SLIT3: variants seen among roughly 807,000 people sequenced by gnomAD.
The protein encoded by SLIT3 is slit homolog 3 protein.
In SLIT3, 68 loss-of-function variants were observed where a neutral mutation model predicts 184.0. The observed-to-expected ratio is 0.37, with a 90% CI of 0.30 to 0.45. The LOEUF is 0.45. SLIT3 is among the 20% of genes least tolerant of loss of function. SLIT3 has a pLI of 1.00. For missense variants in SLIT3, 1,707 were observed against 2,026.0 expected (o/e 0.84, Z 3.02); for synonymous variants, 831 against 828.6 (o/e 1.00, Z -0.05).
At chr5:168,731,306 C>A (rs554697356) in intron 20 of SLIT3, among the ~76,000 whole-genome samples, 2 of 151,874 alleles carry the variant, frequency 1.3e-5, no homozygotes, top group East Asian at 1.9e-4. Context: ...AATATCCCCC[C>A]CTAAACTGCC....
chr5:169,237,994 AC>A (rs1243795978), intron 3 of SLIT3, among the ~76,000 whole-genome samples: 1 of 152,166 alleles, frequency 6.6e-6, no homozygotes, highest in Non-Finnish European at 1.5e-5. Context: ...AATTATCTTT[AC>A]ACATTTGTCA....
At chr5:168,941,616 T>C (rs1762335003) in intron 4 of SLIT3, among the ~76,000 whole-genome samples, 1 of 152,170 alleles carries the variant, frequency 6.6e-6, no homozygotes, top group Non-Finnish European at 1.5e-5. Context: ...GAAATGGAAA[T>C]CCAGTCTCTG....
chr5:169,223,684 G>A (rs1764692912), intron 3 of SLIT3, among the ~76,000 whole-genome samples: 1 of 152,164 alleles, frequency 6.6e-6, no homozygotes, highest in South Asian at 2.1e-4. Context: ...TTTTAGGAGA[G>A]ACCTTTGGAG....
chr5:168,952,875 A>G (rs1762706709), intron 4 of SLIT3, among the ~76,000 whole-genome samples: 2 of 152,206 alleles, frequency 1.3e-5, no homozygotes, highest in Admixed American at 1.3e-4. Context: ...CTCTGAATAC[A>G]GTGTGGGCAG....
At chr5:168,967,435 A>ATTTTTTTTTTTTTTTTTTTTTTTT in intron 4 of SLIT3, among the ~76,000 whole-genome samples, 13 of 30,756 alleles carry the variant, frequency 4.2e-4, no homozygotes, top group Non-Finnish European at 6.1e-4. Context: ...GCCATCTCAA[A>ATTTTTTTTTTTTTTTTTTTTTTTT]TCTTTTTTTT....
intron 6 of SLIT3, among the ~76,000 whole-genome samples, chr5:168,829,902 G>A (rs1331040462): frequency 6.6e-6 from 1 of 152,212 alleles, no homozygotes; most frequent in Non-Finnish European, 1.5e-5. Flanking sequence ...CTTGGCTCAG[G>A]CAGGGCAAGA....
intron 9 of SLIT3, among the ~76,000 whole-genome samples, chr5:168,800,097 C>T (rs1756710801): frequency 6.6e-6 from 1 of 152,210 alleles, no homozygotes; most frequent in African/African-American, 2.4e-5. Context: ...TTTATTCTTC[C>T]TTTAAGTCAT....
At chr5:168,857,752 G>A (rs1301025976) in intron 5 of SLIT3, among the ~76,000 whole-genome samples, 3 of 152,180 alleles carry the variant, frequency 2.0e-5, no homozygotes, top group East Asian at 1.9e-4. Context: ...CCAGGGGGTC[G>A]GAGGGCTGAA....
At chr5:169,241,193 C>A (rs1321699040) in intron 3 of SLIT3, among the ~76,000 whole-genome samples, 1 of 152,160 alleles carries the variant, frequency 6.6e-6, no homozygotes. Context: ...CACTCTCTGG[C>A]AACCAGAAGT....
intron 4 of SLIT3, among the ~76,000 whole-genome samples, chr5:168,888,726 C>T (rs1015219042): frequency 6.6e-6 from 1 of 152,110 alleles, no homozygotes; most frequent in African/African-American, 2.4e-5. Context: ...AAAATTCCAT[C>T]AACTCTTGAT....
intron 12 of SLIT3, among the ~76,000 whole-genome samples, chr5:168,782,801 A>G (rs1234869499): frequency 6.6e-6 from 1 of 152,194 alleles, no homozygotes; most frequent in Non-Finnish European, 1.5e-5. Context: ...AAGCTGACAG[A>G]TTACCTTGCA....
At chr5:169,271,254 G>A (rs1405897975) in intron 1 of SLIT3, among the ~76,000 whole-genome samples, 1 of 152,148 alleles carries the variant, frequency 6.6e-6, no homozygotes, top group East Asian at 1.9e-4. Flanking sequence ...CATGAAAGAG[G>A]CTAACTTCGA....
At chr5:169,137,559 C>T (rs1439263867) in intron 4 of SLIT3, among the ~76,000 whole-genome samples, 1 of 152,024 alleles carries the variant, frequency 6.6e-6, no homozygotes, top group African/African-American at 2.4e-5. Context: ...GGGGTTTTTC[C>T]TGGCTTACGT....
At chr5:169,150,816 C>T (rs1440169133) in intron 4 of SLIT3, among the ~76,000 whole-genome samples, 1 of 152,162 alleles carries the variant, frequency 6.6e-6, no homozygotes, top group East Asian at 1.9e-4. Flanking sequence ...CAGGATCCAG[C>T]CATCACCCTG....
chr5:168,856,806 TGCGC>T (rs61149576), intron 5 of SLIT3, among the ~76,000 whole-genome samples: 5 of 137,740 alleles, frequency 3.6e-5, no homozygotes, highest in African/African-American at 1.4e-4. Context: ...TGTGTGTGTG[TGCGC>T]GCGCGCGCAC....
At chr5:169,298,520 T>G (rs111705820) in intron 1 of SLIT3, among the ~76,000 whole-genome samples, 2 of 152,128 alleles carry the variant, frequency 1.3e-5, no homozygotes, top group Non-Finnish European at 1.5e-5. Context: ...GCGGAAGATG[T>G]AGTTGCGAGA....
chr5:168,868,901 A>G (rs1353451015), intron 5 of SLIT3, among the ~76,000 whole-genome samples: 1 of 152,220 alleles, frequency 6.6e-6, no homozygotes, highest in Non-Finnish European at 1.5e-5. Context: ...CAAAACAGAA[A>G]GAGAAAATCT....
intron 4 of SLIT3, among the ~76,000 whole-genome samples, chr5:169,027,579 T>G (rs1344071582): frequency 6.6e-6 from 1 of 152,208 alleles, no homozygotes; most frequent in Non-Finnish European, 1.5e-5. Flanking sequence ...ACCTTTAATC[T>G]GATTCCTTTT....
intron 4 of SLIT3, among the ~76,000 whole-genome samples, chr5:169,114,905 C>T (rs1452605192): frequency 6.6e-6 from 1 of 152,196 alleles, no homozygotes; most frequent in African/African-American, 2.4e-5. Context: ...CTAAATTCTC[C>T]CAATTAGGCA....
Sources: gnomAD v4.1 joint callset for allele counts (sites outside exome capture counted in the v4.1 genomes callset) on GRCh38, gnomAD v4.1.1 for gene constraint, MANE v1.5 for transcripts, NCBI Gene and HGNC (gene_info 2026-07-23, HGNC 2026-07-21) for gene names.